BRINP3: variants seen among roughly 807,000 people sequenced by gnomAD.
BRINP3 encodes BMP/retinoic acid-inducible neural-specific protein 3.
Under a neutral mutation model 71.0 loss-of-function variants are expected in BRINP3, and 19 were observed. The observed-to-expected ratio is 0.27, with a 90% confidence interval of 0.19 to 0.39. BRINP3 has a LOEUF of 0.39. Ranked by LOEUF, BRINP3 falls within the 10% of genes least tolerant of loss-of-function variation. The probability of loss-of-function intolerance (pLI) is 1.00; values close to 1 mark genes in which losing one functional copy is unlikely to be tolerated. For synonymous variants in BRINP3, 380 were observed against 337.7 expected (o/e 1.13, Z -1.37); for missense variants, 959 against 940.8 (o/e 1.02, Z -0.25).
chr1:190,465,987 A>G (rs920565873), intron 1 of BRINP3, among the ~76,000 whole-genome samples: 49 of 151,924 alleles, frequency 3.2e-4, no homozygotes, highest in African/African-American at 1.2e-3. Context: ...CTTTCCTGGC[A>G]GAATCTAAGA....
intron 2 of BRINP3, chr1:190,342,297 C>A (rs576482446): frequency 6.7e-6 from 1 of 148,818 alleles, no homozygotes; most frequent in East Asian, 2.0e-4. Context: ...CTAGCATATT[C>A]ACATTTTCAA....
chr1:190,225,297 A>G (rs565342290), intron 6 of BRINP3, among the ~76,000 whole-genome samples: 1 of 152,150 alleles, frequency 6.6e-6, no homozygotes, highest in African/African-American at 2.4e-5. Context: ...CAGCCATAAA[A>G]TAGAATGAAA....
chr1:190,295,643 C>T (rs1029404482), intron 2 of BRINP3, among the ~76,000 whole-genome samples: 2 of 152,066 alleles, frequency 1.3e-5, no homozygotes, highest in Non-Finnish European at 2.9e-5. Flanking sequence ...GGTGCAGAGA[C>T]GTCTAAATGC....
At chr1:190,350,359 A>C (rs571125908) in intron 2 of BRINP3, among the ~76,000 whole-genome samples, 1 of 152,240 alleles carries the variant, frequency 6.6e-6, no homozygotes, top group African/African-American at 2.4e-5. Context: ...AAGTTCCTAA[A>C]AAGTACAAAC....
intron 2 of BRINP3, among the ~76,000 whole-genome samples, chr1:190,330,174 A>C (rs1406340052): frequency 6.6e-6 from 1 of 152,046 alleles, no homozygotes; most frequent in Admixed American, 6.6e-5. Context: ...ACAGTAAAAT[A>C]AACGATCAAC....
intron 7 of BRINP3, among the ~76,000 whole-genome samples, chr1:190,151,321 T>C (rs934970585): frequency 4.6e-5 from 7 of 152,136 alleles, no homozygotes; most frequent in Non-Finnish European, 8.8e-5. Flanking sequence ...AGTACAACCA[T>C]TCTAAAGATT....
chr1:190,232,491 G>C (rs182198774), intron 5 of BRINP3, among the ~76,000 whole-genome samples: 8 of 152,028 alleles, frequency 5.3e-5, no homozygotes, highest in Non-Finnish European at 1.2e-4. Context: ...TTTCAGAAAG[G>C]ACTTTGTACC....
chr1:190,203,442 T>C (rs1655185962), intron 6 of BRINP3, among the ~76,000 whole-genome samples: 1 of 142,912 alleles, frequency 7.0e-6, no homozygotes, highest in African/African-American at 2.8e-5. Context: ...TATATATGTA[T>C]GTGTGTGTGT....
At chr1:190,232,334 C>T (rs1658071869) in intron 5 of BRINP3, among the ~76,000 whole-genome samples, 2 of 151,860 alleles carry the variant, frequency 1.3e-5, no homozygotes, top group Admixed American at 1.3e-4. Context: ...CAAATTGTTC[C>T]CATTAGTTTA....
chr1:190,132,300 C>G (rs191553889), intron 7 of BRINP3, among the ~76,000 whole-genome samples: 2 of 152,054 alleles, frequency 1.3e-5, no homozygotes, highest in Admixed American at 1.3e-4. Context: ...CTTTTATTCC[C>G]AAACAGAATT....
rs1212159802 is a variant in BRINP3 at position 190,440,342 on chromosome 1, A to C, written c.236+14313T>G. 3.9e-5 allele frequency among the ~76,000 whole-genome samples: 6 copies of C among 151,964 alleles called. No individual in the cohort carries two copies. The East Asian group carries it at 1.2e-3, about 29-fold the overall frequency. The stretch of plus-strand genomic sequence containing the variant: ...ATCTTTATGTTAAGCCACAGTGTTC[A>C]TTCAATATAATTATGTAAATCACCA... On this transcript the variant is annotated intron_variant, in intron 2 of 7. Transcript: ENST00000367462.
chr1:190,165,832 A>G (rs1651483829), intron 6 of BRINP3, among the ~76,000 whole-genome samples: 1 of 152,146 alleles, frequency 6.6e-6, no homozygotes, highest in Non-Finnish European at 1.5e-5. Flanking sequence ...CGGCAAGAAA[A>G]GTTGAGACAG....
intron 2 of BRINP3, among the ~76,000 whole-genome samples, chr1:190,373,486 GTA>G (rs1195216618): frequency 6.6e-6 from 1 of 151,096 alleles, no homozygotes; most frequent in Non-Finnish European, 1.5e-5. Context: ...ATATGTGTGT[GTA>G]TATGTGTATA....
intron 6 of BRINP3, among the ~76,000 whole-genome samples, chr1:190,165,486 G>A (rs1177749479): frequency 2.7e-5 from 3 of 112,648 alleles, no homozygotes; most frequent in Non-Finnish European, 5.0e-5. Flanking sequence ...GTGTGTGTGT[G>A]TGTGTGTGTT....
chr1:190,349,237 A>G (rs1174511687), intron 2 of BRINP3, among the ~76,000 whole-genome samples: 1 of 152,098 alleles, frequency 6.6e-6, no homozygotes, highest in Non-Finnish European at 1.5e-5. Flanking sequence ...AGAACACACC[A>G]AAATTGGATT....
At chr1:190,117,570 T>C (rs1653254126) in intron 7 of BRINP3, among the ~76,000 whole-genome samples, 1 of 152,108 alleles carries the variant, frequency 6.6e-6, no homozygotes, top group African/African-American at 2.4e-5. Context: ...TTTTAGAATG[T>C]TTTAAAGCAT....
At chr1:190,219,858 T>C (rs192937369) in intron 6 of BRINP3, among the ~76,000 whole-genome samples, 1 of 148,762 alleles carries the variant, frequency 6.7e-6, no homozygotes, top group Non-Finnish European at 1.5e-5. Flanking sequence ...ATAATAATAA[T>C]AATAATAAAT....
At chr1:190,201,753 T>C (rs897778688) in intron 6 of BRINP3, among the ~76,000 whole-genome samples, 1 of 151,952 alleles carries the variant, frequency 6.6e-6, no homozygotes, top group Non-Finnish European at 1.5e-5. Context: ...GTGCAAGCCT[T>C]AATCAAGCCT....
chr1:190,408,147 G>A (rs1571974103), intron 2 of BRINP3, among the ~76,000 whole-genome samples: 1 of 148,208 alleles, frequency 6.7e-6, no homozygotes, highest in South Asian at 2.2e-4. Context: ...TCAACCTCCG[G>A]AGTAGCTGGG....
Sources: allele counts gnomAD v4.1 joint callset (sites outside exome capture counted in the v4.1 genomes callset), GRCh38; gene constraint gnomAD v4.1.1; transcripts MANE v1.5; gene names NCBI Gene and HGNC (gene_info 2026-07-23, HGNC 2026-07-21).